Variants in PPP1R1C observed in about 807,000 individuals in gnomAD.
PPP1R1C encodes protein phosphatase 1 regulatory inhibitor subunit 1C.
A neutral mutation model predicts 17.4 loss-of-function variants in PPP1R1C; 15 were observed. That is an observed-to-expected ratio of 0.86 (90% CI 0.58 to 1.33). The LOEUF is 1.33. Ranked by LOEUF, PPP1R1C falls within the 40% of genes most tolerant of loss-of-function variation. The probability of loss-of-function intolerance (pLI) is 0.00; values close to 1 mark genes in which losing one functional copy is unlikely to be tolerated. For missense variants in PPP1R1C, 143 were observed against 130.0 expected (o/e 1.10, Z -0.48); for synonymous variants, 35 against 43.1 (o/e 0.81, Z 0.73).
chr2:182,093,172 A>G (rs927421100), intron 4 of PPP1R1C, among the ~76,000 whole-genome samples: 2 of 152,166 alleles, frequency 1.3e-5, no homozygotes, highest in Non-Finnish European at 2.9e-5. Flanking sequence ...ACTTCTGTAC[A>G]CTATCAGGCT....
upstream of PPP1R1C, among the ~76,000 whole-genome samples, chr2:181,982,333 A>T (rs777076552): frequency 6.6e-6 from 1 of 152,186 alleles, no homozygotes; most frequent in Non-Finnish European, 1.5e-5. Context: ...AGGGCTTGAA[A>T]GGGTGAGCCA....
chr2:182,039,670 C>T (rs568373869), intron 2 of PPP1R1C, among the ~76,000 whole-genome samples: 1 of 152,234 alleles, frequency 6.6e-6, no homozygotes, highest in African/African-American at 2.4e-5. Context: ...CAGGTGTGAG[C>T]CACCACTCCT....
intron 4 of PPP1R1C, among the ~76,000 whole-genome samples, chr2:182,083,003 G>A (rs534316362): frequency 3.8e-4 from 58 of 152,236 alleles, no homozygotes; most frequent in African/African-American, 1.3e-3. Context: ...ACTCAGAAAA[G>A]CCTTGGAACA....
At chr2:182,037,229 A>G (rs1256457030) in intron 2 of PPP1R1C, among the ~76,000 whole-genome samples, 2 of 152,240 alleles carry the variant, frequency 1.3e-5, no homozygotes, top group African/African-American at 4.8e-5. Flanking sequence ...TTTCTACAAG[A>G]GAAATTCTCC....
chr2:182,053,976 G>A (rs1447324360), intron 2 of PPP1R1C, among the ~76,000 whole-genome samples: 1 of 151,942 alleles, frequency 6.6e-6, no homozygotes, highest in Admixed American at 6.6e-5. Context: ...GATTAGTGCT[G>A]GGATTACAGG....
chr2:182,050,157 G>A (rs1687467336), intron 2 of PPP1R1C, among the ~76,000 whole-genome samples: 1 of 152,138 alleles, frequency 6.6e-6, no homozygotes, highest in African/African-American at 2.4e-5. Context: ...ACTACTTCAA[G>A]CAAAACTGCA....
At chr2:182,065,301 C>G (rs1403029486) in intron 4 of PPP1R1C, among the ~76,000 whole-genome samples, 1 of 151,980 alleles carries the variant, frequency 6.6e-6, no homozygotes. Flanking sequence ...AAGTCCCCTG[C>G]TTATGATAAA....
chr2:182,108,332 A>C (rs1574458789), intron 4 of PPP1R1C, among the ~76,000 whole-genome samples: 1 of 151,966 alleles, frequency 6.6e-6, no homozygotes, highest in Non-Finnish European at 1.5e-5. Context: ...CACTGCTTTC[A>C]TCTCTTCTCT....
intron 4 of PPP1R1C, among the ~76,000 whole-genome samples, chr2:182,076,672 T>A: frequency 6.6e-6 from 1 of 152,132 alleles, no homozygotes; most frequent in East Asian, 1.9e-4. Flanking sequence ...GTGCAATAAG[T>A]TAATTAGTAC....
chr2:182,043,287 A>G (rs960759648), intron 2 of PPP1R1C, among the ~76,000 whole-genome samples: 1 of 152,154 alleles, frequency 6.6e-6, no homozygotes, highest in Admixed American at 6.6e-5. Context: ...CAGATTTCCA[A>G]AGAGTCTTGT....
intron 2 of PPP1R1C, among the ~76,000 whole-genome samples, chr2:182,034,951 C>T (rs745796781): frequency 1.3e-5 from 2 of 152,170 alleles, no homozygotes; most frequent in Non-Finnish European, 2.9e-5. Context: ...ACCTTTAATG[C>T]ACTACATTGT....
intron 1 of PPP1R1C, among the ~76,000 whole-genome samples, chr2:181,966,585 A>G (rs999256964): frequency 3.3e-5 from 5 of 152,058 alleles, no homozygotes; most frequent in Non-Finnish European, 7.4e-5. Context: ...TTTGTCCTTC[A>G]TTCTGCTAAT....
In PPP1R1C at chr2:182,076,435, A is replaced by G. The variant is rs375693586; in HGVS notation, c.241+12644A>G. Among the ~76,000 whole-genome samples the G allele has an allele frequency of 6.6e-5, 10 of 151,396 alleles. No homozygotes were observed. The South Asian group carries it at 1.0e-3, about 16-fold the overall frequency. On this transcript the variant is annotated intron_variant, in intron 4 of 4. Transcript: ENST00000682840. ...AGAAATCCTCTCCTACTGTCTGTTC[A>G]TCTTTTTTAAAAATGCAAGCAAGAA...
intron 4 of PPP1R1C, among the ~76,000 whole-genome samples, chr2:182,064,463 C>T (rs1687932365): frequency 6.6e-6 from 1 of 152,040 alleles, no homozygotes; most frequent in African/African-American, 2.4e-5. Flanking sequence ...TTTTTCCAGT[C>T]TGGTGCTTGG....
chr2:182,119,749 G>A (rs1417103938), downstream of PPP1R1C, among the ~76,000 whole-genome samples: 4 of 152,070 alleles, frequency 2.6e-5, no homozygotes, highest in African/African-American at 9.7e-5. Context: ...TTTTTGATGG[G>A]GTTGTTTGTT....
At chr2:182,045,797 G>T (rs1001083207) in intron 2 of PPP1R1C, among the ~76,000 whole-genome samples, 2 of 152,064 alleles carry the variant, frequency 1.3e-5, no homozygotes, top group Non-Finnish European at 2.9e-5. Flanking sequence ...ATATAAAATA[G>T]CATAGCTATA....
At chr2:181,990,566 A>G (rs1031686261) in intron 2 of PPP1R1C, among the ~76,000 whole-genome samples, 10 of 152,248 alleles carry the variant, frequency 6.6e-5, no homozygotes, top group Non-Finnish European at 1.3e-4. Flanking sequence ...AAAGTGCAAC[A>G]AAGATTAGGT....
chr2:182,047,722 A>T (rs754040652), intron 2 of PPP1R1C, among the ~76,000 whole-genome samples: 3 of 152,202 alleles, frequency 2.0e-5, no homozygotes, highest in Non-Finnish European at 4.4e-5. Flanking sequence ...TATAAGAGAA[A>T]CTAAGTTCAT....
intron 2 of PPP1R1C, among the ~76,000 whole-genome samples, chr2:182,045,892 A>G (rs971384722): frequency 6.6e-6 from 1 of 152,142 alleles, no homozygotes; most frequent in East Asian, 1.9e-4. Context: ...CAAATATCCA[A>G]TCATATTTGT....
Sources: gnomAD v4.1 joint callset for allele counts (sites outside exome capture counted in the v4.1 genomes callset) on GRCh38, gnomAD v4.1.1 for gene constraint, MANE v1.5 for transcripts, NCBI Gene and HGNC (gene_info 2026-07-23, HGNC 2026-07-21) for gene names.